TEKT1: variants seen among roughly 807,000 people sequenced by gnomAD.
The protein encoded by TEKT1 is tektin-1.
TEKT1 carries 32 observed loss-of-function variants against 34.8 expected under a neutral mutation model. The observed-to-expected ratio is 0.92, with a 90% CI of 0.69 to 1.23. The LOEUF (loss-of-function observed/expected upper bound fraction) is 1.23, where lower values mean the gene tolerates loss of function less well. TEKT1 is among the 50% of genes most tolerant of loss of function. The pLI is 0.00. For synonymous variants in TEKT1, 207 were observed against 199.8 expected, an observed-to-expected ratio of 1.04 and a Z score of -0.30; for missense variants, 492 against 518.5, an observed-to-expected ratio of 0.95 and a Z score of 0.50.
chr17:6,830,307 A>G lies in TEKT1; in HGVS notation c.70T>C (p.Tyr24His). Residue 24 changes from tyrosine to histidine, a missense_variant, in exon 2 of 8, where the codon TAC becomes CAC. Tyr to His is a moderately conservative substitution (Grantham distance 83). Transcript: ENST00000338694. ...SEWHIANKNQ[Y>H]HRADAQRSRS... ...GACCTTTGAGCGTCTGCTCTGTGGTACTGGTTCTTGTTAGCAATGTGCCAC... is the reference window on the plus strand; with the variant it reads ...GACCTTTGAGCGTCTGCTCTGTGGTGCTGGTTCTTGTTAGCAATGTGCCAC... The G allele has an allele frequency of 1.2e-6, 2 of 1,612,222 alleles. No individual in the cohort carries two copies. Among genetic ancestry groups the G allele is most frequent in the Non-Finnish European group, 1.7e-6 (2 of 1,179,712 alleles).
intron 2 of TEKT1, among the ~76,000 whole-genome samples, chr17:6,829,984 T>G (rs1285825544): frequency 6.6e-6 from 1 of 152,204 alleles, no homozygotes; most frequent in African/African-American, 2.4e-5. Context: ...AACAAATAAA[T>G]GAATGATGGG....
chr17:6,812,254 T>G (rs1258930286), intron 6 of TEKT1, among the ~76,000 whole-genome samples: 2 of 152,162 alleles, frequency 1.3e-5, no homozygotes. Context: ...TGTAAGTCAA[T>G]TAAACCTCTT....
Position 6,811,507 on chromosome 17 carries a change from C to T in TEKT1, c.852+1324G>A, listed in dbSNP as rs971244228. Among the ~76,000 whole-genome samples, 2 of 152,046 alleles carry T rather than the reference C, an allele frequency of 1.3e-5. No homozygotes were observed. Among genetic ancestry groups the T allele is most frequent in the African/African-American group, 4.8e-5 (2 of 41,398 alleles). On this transcript the variant is annotated intron_variant, in intron 6 of 7. Coordinates refer to ENST00000338694, the MANE Select transcript of TEKT1 (RefSeq NM_053285.2). This position sits in a 1 kb window ranked among gnomAD's most constrained non-coding sequence, Gnocchi z 4.4. ...CAAGTGTTGAAGCCACAGTTCAAAC[C>T]CAAGATGTCTGGCTCTGACGTCTAC...
intron 2 of TEKT1, among the ~76,000 whole-genome samples, chr17:6,823,484 C>T (rs1439017902): frequency 6.6e-6 from 1 of 152,120 alleles, no homozygotes; most frequent in African/African-American, 2.4e-5. Context: ...CTCAATCTCT[C>T]TCATGCTTGG....
intron 2 of TEKT1, 132 bp from the exon 3 acceptor site, chr17:6,819,490 G>T: frequency 1.2e-6 from 1 of 849,004 alleles, no homozygotes; most frequent in Non-Finnish European, 1.7e-6. Context: ...GCTATTTGGG[G>T]CATCTTTTCA....
At chr17:6,825,401 T>G (rs1398155481) in intron 2 of TEKT1, among the ~76,000 whole-genome samples, 2 of 152,178 alleles carry the variant, frequency 1.3e-5, no homozygotes, top group South Asian at 2.1e-4. Context: ...CATCTCTACT[T>G]TCAGACTGCA....
At chr17:6,800,676 T>C in intron 7 of TEKT1, 71 bp downstream of exon 7, 2 of 1,529,180 alleles carry the variant, frequency 1.3e-6, no homozygotes, top group Admixed American at 1.8e-5. Context: ...CTGGTCACTA[T>C]CTAGCCTCTG....
At chr17:6,806,795 C>T (rs1045526705) in intron 6 of TEKT1, among the ~76,000 whole-genome samples, 1 of 152,116 alleles carries the variant, frequency 6.6e-6, no homozygotes, top group Admixed American at 6.6e-5. Context: ...GAATATCGGC[C>T]CCCACTCTCT....
chr17:6,822,631 A>G (rs1419657316), intron 2 of TEKT1, among the ~76,000 whole-genome samples: 1 of 152,048 alleles, frequency 6.6e-6, no homozygotes. Context: ...CTTGTTCTCC[A>G]AATGTTCTCT....
chr17:6,813,096 G>T, intron 5 of TEKT1, 43 bp from the exon 6 acceptor site: 1 of 1,561,156 alleles, frequency 6.4e-7, no homozygotes. Flanking sequence ...TATTTGGGGT[G>T]GGGAAGGGGG....
Position 6,815,895 on chromosome 17 carries a change from T to C in TEKT1, c.424A>G (p.Ile142Val). 6.2e-7 allele frequency: 1 copy of C among 1,614,174 alleles called. No homozygotes were observed. Among genetic ancestry groups the C allele is most frequent in the Non-Finnish European group, 8.5e-7 (1 of 1,180,018 alleles). ...AGCAGAGCCATAATGCCCTGGATGA[T>C]CTCAGCCTCCTTTATCAGCTCATGC... ...VEHELIKEAE[I>V]IQGIMALLTR... The change falls in exon 4 of 8, where the codon ATC becomes GTC. Residue 142 changes from isoleucine to valine, a missense_variant. Ile to Val is a conservative substitution (Grantham distance 29). Coordinates refer to ENST00000338694, the MANE Select transcript of TEKT1 (RefSeq NM_053285.2).
intron 2 of TEKT1, among the ~76,000 whole-genome samples, chr17:6,821,760 G>C (rs1977093475): frequency 2.0e-5 from 3 of 152,202 alleles, no homozygotes; most frequent in South Asian, 4.1e-4. Flanking sequence ...ATGAAGTCCT[G>C]CTGAGGTAGT....
chr17:6,823,184 G>A lies in TEKT1; in HGVS notation c.191-3826C>T, dbSNP rs74513706. On this transcript the variant is annotated intron_variant, in intron 2 of 7. Coordinates refer to ENST00000338694, the MANE Select transcript of TEKT1 (RefSeq NM_053285.2). Reference sequence around the variant, plus strand: ...GAGGGAGAGCCAGAGTGAAGAGGAAGCTCTTTATAAAGACTTTCAACCAAT... The same window carrying A: ...GAGGGAGAGCCAGAGTGAAGAGGAAACTCTTTATAAAGACTTTCAACCAAT... Among the ~76,000 whole-genome samples the A allele has an allele frequency of 5.8e-3, 879 of 152,262 alleles. 7 individuals are homozygous for A. Among genetic ancestry groups the A allele is most frequent in the Middle Eastern group, 0.017 (5 of 294 alleles).
At chr17:6,830,148 C>T in intron 2 of TEKT1, 39 bp downstream of exon 2, 1 of 1,581,288 alleles carries the variant, frequency 6.3e-7, no homozygotes, top group Non-Finnish European at 8.6e-7. Context: ...ACAGCCTCAT[C>T]CTAGCATGTT....
intron 5 of TEKT1, among the ~76,000 whole-genome samples, chr17:6,814,423 A>G (rs756700729): frequency 7.2e-5 from 11 of 152,220 alleles, no homozygotes; most frequent in Non-Finnish European, 1.0e-4. Flanking sequence ...GTCACAGAAA[A>G]GGTACATAGT....
At position 6,830,336 on chromosome 17, in the gene TEKT1, G is replaced by A. The variant is rs373148531; in HGVS notation, c.41C>T (p.Ser14Leu). The change falls in exon 2 of 8, where the codon TCA becomes TTA. Residue 14 changes from serine (S) to leucine (L), a missense_variant. By Grantham distance (145) the Ser-to-Leu change is moderately radical (BLOSUM62 -2). Coordinates refer to ENST00000338694, the MANE Select transcript of TEKT1 (RefSeq NM_053285.2). ...LLQPPPKFLPSEWHIANKNQY... is the reference protein window; with the variant it reads ...LLQPPPKFLPLEWHIANKNQY... Reference sequence around the variant, plus strand: ...GTTCTTGTTAGCAATGTGCCACTCTGAGGGCAGGAACTTGGGTGGAGGTTG... The same window carrying A: ...GTTCTTGTTAGCAATGTGCCACTCTAAGGGCAGGAACTTGGGTGGAGGTTG... 3.7e-6 allele frequency: 6 copies of A among 1,603,984 alleles called. No individual in the cohort carries two copies. The highest frequency in any genetic ancestry group is 1.3e-5 in the African/African-American group (1 of 74,360).
chr17:6,806,943 G>A (rs924798184), intron 6 of TEKT1, among the ~76,000 whole-genome samples: 1 of 152,090 alleles, frequency 6.6e-6, no homozygotes, highest in Admixed American at 6.5e-5. Context: ...ACAATTATGT[G>A]TCTTGGAGTT....
At chr17:6,829,707 T>C (rs181931724) in intron 2 of TEKT1, among the ~76,000 whole-genome samples, 197 of 152,296 alleles carry the variant, frequency 1.3e-3, no homozygotes, top group African/African-American at 4.6e-3. Flanking sequence ...AAATACTATG[T>C]AAATAGCTGT....
chr17:6,827,831 T>A (rs1483812283), intron 2 of TEKT1, among the ~76,000 whole-genome samples: 1 of 152,148 alleles, frequency 6.6e-6, no homozygotes, highest in Admixed American at 6.5e-5. Context: ...TCCTACATAT[T>A]TGATGCTTTT....
Sources: allele counts gnomAD v4.1 joint callset (sites outside exome capture counted in the v4.1 genomes callset), GRCh38; gene constraint gnomAD v4.1.1; non-coding constraint Gnocchi (gnomAD v3.1); transcripts MANE v1.5; gene names NCBI Gene and HGNC (gene_info 2026-07-23, HGNC 2026-07-21).